AP3B1: variants seen among roughly 807,000 people sequenced by gnomAD.
AP3B1 encodes AP-3 complex subunit beta-1.
In AP3B1, 61 loss-of-function variants were observed where a neutral mutation model predicts 132.5. The ratio of observed to expected loss-of-function variants is 0.46; its 90% CI spans 0.37 to 0.57. AP3B1 has a LOEUF of 0.57. Ranked by LOEUF, AP3B1 falls within the 20% of genes least tolerant of loss-of-function variation. The pLI, the probability that AP3B1 is intolerant of heterozygous loss-of-function variation, is 0.00. For synonymous variants in AP3B1, 388 were observed against 438.3 expected (o/e 0.89, Z 1.43); for missense variants, 1,120 against 1,289.4 (o/e 0.87, Z 2.01).
chr5:78,028,394 G>C (rs1747429745), intron 24 of AP3B1, among the ~76,000 whole-genome samples: 1 of 151,766 alleles, frequency 6.6e-6, no homozygotes, highest in East Asian at 1.9e-4. Flanking sequence ...AACCAAGGAG[G>C]CGGAGGTTGC....
intron 6 of AP3B1, among the ~76,000 whole-genome samples, chr5:78,223,027 CTT>C (rs1554077324): frequency 7.8e-6 from 1 of 127,806 alleles, no homozygotes; most frequent in Admixed American, 7.9e-5. Flanking sequence ...TTGTTTGTTT[CTT>C]TTTTTTTTTT....
intron 26 of AP3B1, among the ~76,000 whole-genome samples, chr5:78,003,919 A>AG (rs1194147632): frequency 6.6e-6 from 1 of 152,222 alleles, no homozygotes; most frequent in African/African-American, 2.4e-5. Flanking sequence ...AGGGTCATGA[A>AG]GGAAGAGGAC....
At chr5:78,096,010 G>GTCCCTCTCCCTTTCCCTC (rs1337090362) in intron 21 of AP3B1, among the ~76,000 whole-genome samples, 2 of 152,104 alleles carry the variant, frequency 1.3e-5, no homozygotes, top group Non-Finnish European at 2.9e-5. Flanking sequence ...TTGTGTCCCT[G>GTCCCTCTCCCTTTCCCTC]TCCCTCTCCC....
chr5:78,007,086 C>T (rs1258910856), intron 26 of AP3B1, among the ~76,000 whole-genome samples: 1 of 152,296 alleles, frequency 6.6e-6, no homozygotes, highest in East Asian at 1.9e-4. Flanking sequence ...TGCACTTAAA[C>T]TATACTTTTT....
At chr5:78,038,183 C>G (rs1747883121) in intron 23 of AP3B1, among the ~76,000 whole-genome samples, 1 of 152,066 alleles carries the variant, frequency 6.6e-6, no homozygotes, top group Admixed American at 6.6e-5. Context: ...ACGCTCTGCT[C>G]CAAGAAAAGT....
chr5:78,159,631 T>C (rs780473930), intron 13 of AP3B1, among the ~76,000 whole-genome samples: 5 of 152,194 alleles, frequency 3.3e-5, no homozygotes, highest in Non-Finnish European at 5.9e-5. Context: ...ATGATAACAT[T>C]AGGTCTAACC....
At chr5:78,250,622 G>C (rs1365242179) in intron 2 of AP3B1, among the ~76,000 whole-genome samples, 1 of 152,012 alleles carries the variant, frequency 6.6e-6, no homozygotes, top group African/African-American at 2.4e-5. Flanking sequence ...AAAAATAACA[G>C]GGCATATAAA....
At chr5:78,212,808 A>G (rs1317674084) in intron 7 of AP3B1, among the ~76,000 whole-genome samples, 3 of 152,172 alleles carry the variant, frequency 2.0e-5, no homozygotes, top group African/African-American at 7.2e-5. Flanking sequence ...AGCAAATATA[A>G]ATGCCAAATA....
intron 1 of AP3B1, among the ~76,000 whole-genome samples, chr5:78,272,473 T>C (rs1748585839): frequency 6.6e-6 from 1 of 152,190 alleles, no homozygotes; most frequent in Non-Finnish European, 1.5e-5. Context: ...CCCTCCTCCT[T>C]TAGATTCTGA....
chr5:78,208,317 C>G (rs1043090679), intron 7 of AP3B1, among the ~76,000 whole-genome samples: 1 of 152,116 alleles, frequency 6.6e-6, no homozygotes. Flanking sequence ...CTGTGTTCAG[C>G]TATATATAAC....
intron 22 of AP3B1, among the ~76,000 whole-genome samples, chr5:78,060,275 TG>T (rs1748987403): frequency 6.6e-6 from 1 of 152,330 alleles, no homozygotes; most frequent in African/African-American, 2.4e-5. Flanking sequence ...TTATAACCGC[TG>T]GAATAAATAC....
chr5:78,239,066 A>AT (rs1285946710), intron 3 of AP3B1, among the ~76,000 whole-genome samples: 2 of 151,942 alleles, frequency 1.3e-5, no homozygotes, highest in African/African-American at 4.8e-5. Context: ...AAAATAAAGG[A>AT]TTTTTTTATA....
intron 16 of AP3B1, among the ~76,000 whole-genome samples, 169 bp downstream of exon 16, chr5:78,128,952 C>T (rs1357030022): frequency 6.6e-6 from 1 of 151,986 alleles, no homozygotes; most frequent in Non-Finnish European, 1.5e-5. Context: ...TAATATAAAA[C>T]TTGCTTTTGA....
chr5:78,176,686 G>A (rs1374855554), intron 9 of AP3B1, among the ~76,000 whole-genome samples: 1 of 152,168 alleles, frequency 6.6e-6, no homozygotes, highest in African/African-American at 2.4e-5. Flanking sequence ...CATGTTATAT[G>A]TCATGGAAAC....
Position 78,294,692 on chromosome 5 carries a change from C to G in AP3B1, c.-113G>C. On this transcript the variant is annotated 5_prime_UTR_variant, in exon 1 of 27. Coordinates refer to ENST00000255194, the MANE Select transcript of AP3B1 (RefSeq NM_003664.5). The stretch of plus-strand genomic sequence containing the variant: ...TCTCGTACGGAGGAGCGCGCGCAGG[C>G]GCTTCCGGACTCGTCACGGCTCCCT... 1 of 1,544,970 alleles carries G rather than the reference C, an allele frequency of 6.5e-7. No homozygotes were observed. The highest frequency in any genetic ancestry group is 1.1e-5 in the South Asian group (1 of 89,140).
intron 26 of AP3B1, among the ~76,000 whole-genome samples, chr5:78,013,336 T>C (rs1746699875): frequency 6.6e-6 from 1 of 152,196 alleles, no homozygotes; most frequent in Non-Finnish European, 1.5e-5. Context: ...TAAGCCACCT[T>C]GCCCAGCCTT....
At chr5:78,224,378 A>G (rs78298881) in intron 6 of AP3B1, among the ~76,000 whole-genome samples, 5,018 of 152,178 alleles carry the variant, frequency 0.033, 280 homozygotes, top group African/African-American at 0.11. Flanking sequence ...AAAAACCATG[A>G]AAAGAATTAA....
chr5:78,075,346 A>G lies in AP3B1; in HGVS notation c.2577+14047T>C, dbSNP rs149304129. ...TAGTAGATTTCAGATGGAGTGAATC[A>G]GATACTTCTTCATGAATTATGGTTT... On this transcript the variant is annotated intron_variant, in intron 22 of 26. Coordinates refer to ENST00000255194, the MANE Select transcript of AP3B1 (RefSeq NM_003664.5). Among the ~76,000 whole-genome samples the G allele has an allele frequency of 1.2e-3, 190 of 152,340 alleles. 1 individual carries two copies. The highest frequency in any genetic ancestry group is 4.4e-3 in the African/African-American group (181 of 41,570).
chr5:78,259,585 AT>A (rs1459906907), intron 2 of AP3B1, among the ~76,000 whole-genome samples: 2 of 152,220 alleles, frequency 1.3e-5, no homozygotes, highest in Non-Finnish European at 2.9e-5. Context: ...ATTCCCCATG[AT>A]GTGCTTATTT....
Sources: gnomAD v4.1 joint callset for allele counts (sites outside exome capture counted in the v4.1 genomes callset) on GRCh38, gnomAD v4.1.1 for gene constraint, MANE v1.5 for transcripts, NCBI Gene and HGNC (gene_info 2026-07-23, HGNC 2026-07-21) for gene names.